FKTN: variants seen among roughly 807,000 people sequenced by gnomAD.
The protein encoded by FKTN is ribitol-5-phosphate transferase FKTN.
FKTN carries 47 observed loss-of-function variants against 58.6 expected under a neutral mutation model. The observed-to-expected ratio is 0.80, with a 90% CI of 0.63 to 1.02. The LOEUF is 1.02. FKTN is among the 50% of genes least tolerant of loss of function. The pLI, the probability that FKTN is intolerant of heterozygous loss-of-function variation, is 0.00. For synonymous variants in FKTN, 178 were observed against 191.9 expected (o/e 0.93, Z 0.60); for missense variants, 516 against 537.3 (o/e 0.96, Z 0.39).
At chr9:105,562,106 T>C (rs1188846758) in intron 1 of FKTN, among the ~76,000 whole-genome samples, 1 of 152,260 alleles carries the variant, frequency 6.6e-6, no homozygotes, top group East Asian at 1.9e-4. Context: ...TCAGTTCTGT[T>C]TTAATGAATT....
chr9:105,592,623 G>A, intron 3 of FKTN, among the ~76,000 whole-genome samples: 1 of 152,106 alleles, frequency 6.6e-6, no homozygotes, highest in Non-Finnish European at 1.5e-5. Flanking sequence ...GGCAACAAGA[G>A]TGAACTCTGT....
At position 105,640,832 on chromosome 9, in the gene FKTN, A is replaced by C. The variant is rs1285500540; in HGVS notation, c.*5568A>C. Reference sequence around the variant, plus strand: ...TTTACAGCCTTCTGATGATTCATTCAAAGCATGGGGAATAGTTCATATGTT... The same window carrying C: ...TTTACAGCCTTCTGATGATTCATTCCAAGCATGGGGAATAGTTCATATGTT... On this transcript the variant is annotated 3_prime_UTR_variant, in exon 11 of 11. Coordinates refer to ENST00000357998, the MANE Select transcript of FKTN (RefSeq NM_001079802.2). 1 of 152,200 alleles carries C rather than the reference A, an allele frequency of 6.6e-6. No individual in the cohort carries two copies. The highest frequency in any genetic ancestry group is 1.5e-5 in the Non-Finnish European group (1 of 68,034). 9.4% of individuals were successfully genotyped at this position (152,200 alleles called of 1,614,324 possible).
At position 105,601,956 on chromosome 9, in the gene FKTN, T is replaced by G. The variant is rs138475893; in HGVS notation, c.369+608T>G. 3.3e-5 allele frequency among the ~76,000 whole-genome samples: 5 copies of G among 152,330 alleles called. No individual in the cohort carries two copies. The East Asian group carries it at 9.6e-4, about 29-fold the overall frequency. ...TAAAAGGAAATGATATGTATTGCTG[T>G]GTGCAGATGCTCCAGAATGACTACA... On this transcript the variant is annotated intron_variant, in intron 5 of 10. Coordinates refer to ENST00000357998, the MANE Select transcript of FKTN (RefSeq NM_001079802.2).
At chr9:105,581,985 T>G (rs1430441480) in intron 3 of FKTN, among the ~76,000 whole-genome samples, 3 of 152,190 alleles carry the variant, frequency 2.0e-5, no homozygotes, top group African/African-American at 7.2e-5. Context: ...CCTGACACCT[T>G]GCGCTTCCCA....
In FKTN at chr9:105,592,421, A is replaced by C. The variant is rs947584832; in HGVS notation, c.106-4177A>C. 4.6e-5 allele frequency among the ~76,000 whole-genome samples: 7 copies of C among 152,018 alleles called. No individual in the cohort carries two copies. The South Asian group carries it at 1.5e-3, about 32-fold the overall frequency. ...TGGTAGGCCGAGTTGGGTGGATCAC[A>C]AGGTCAGGAGTTCGAGATCAGCCTG... On this transcript the variant is annotated intron_variant, in intron 3 of 10. Transcript: ENST00000357998.
intron 3 of FKTN, among the ~76,000 whole-genome samples, chr9:105,576,300 A>G (rs1039085450): frequency 9.2e-5 from 14 of 152,104 alleles, no homozygotes; most frequent in African/African-American, 3.1e-4. Context: ...TATATCTCCC[A>G]ATGCTATCCC....
intron 1 of FKTN, among the ~76,000 whole-genome samples, chr9:105,567,901 G>GCTA (rs1403693459): frequency 6.6e-6 from 1 of 152,158 alleles, no homozygotes; most frequent in Non-Finnish European, 1.5e-5. Flanking sequence ...ATACTACAAG[G>GCTA]CTACAGTAAC....
At chr9:105,566,217 C>T (rs545527652) in intron 1 of FKTN, among the ~76,000 whole-genome samples, 5 of 152,252 alleles carry the variant, frequency 3.3e-5, no homozygotes, top group African/African-American at 1.2e-4. Flanking sequence ...AAAATTGACA[C>T]CCTAACATCA....
chr9:105,580,294 G>A (rs2132167339), intron 3 of FKTN, among the ~76,000 whole-genome samples: 1 of 152,256 alleles, frequency 6.6e-6, no homozygotes, highest in African/African-American at 2.4e-5. Flanking sequence ...TGATTTTGCA[G>A]CAGCTGGTAC....
chr9:105,633,141 G>T (rs866753715), intron 10 of FKTN, among the ~76,000 whole-genome samples: 1 of 152,152 alleles, frequency 6.6e-6, no homozygotes, highest in African/African-American at 2.4e-5. Context: ...TGGGGAAAAG[G>T]AAACCACAAA....
chr9:105,565,741 G>A (rs1031272486), intron 1 of FKTN, among the ~76,000 whole-genome samples: 18 of 152,190 alleles, frequency 1.2e-4, no homozygotes, highest in Non-Finnish European at 2.2e-4. Flanking sequence ...ACAGATCAAC[G>A]AGACAGAAAG....
intron 3 of FKTN, among the ~76,000 whole-genome samples, chr9:105,590,164 G>A (rs1291421277): frequency 3.3e-5 from 5 of 152,164 alleles, no homozygotes; most frequent in Non-Finnish European, 7.3e-5. Context: ...GGGGGACCTG[G>A]TGGGAGATAA....
intron 3 of FKTN, among the ~76,000 whole-genome samples, chr9:105,593,352 C>G (rs74683573): frequency 0.012 from 1,878 of 152,300 alleles, 55 homozygotes; most frequent in African/African-American, 0.043. Flanking sequence ...AAACTGTTTA[C>G]ATGATACAGT....
At chr9:105,582,726 C>A (rs1843231757) in intron 3 of FKTN, among the ~76,000 whole-genome samples, 1 of 152,024 alleles carries the variant, frequency 6.6e-6, no homozygotes, top group South Asian at 2.1e-4. Context: ...AGGATAAAGT[C>A]CTAGAGTAGA....
At chr9:105,578,964 G>A (rs1379725553) in intron 3 of FKTN, among the ~76,000 whole-genome samples, 15 of 151,566 alleles carry the variant, frequency 9.9e-5, no homozygotes, top group Non-Finnish European at 1.6e-4. Context: ...GTGTAGAGGT[G>A]TTTATTCTCT....
intron 3 of FKTN, among the ~76,000 whole-genome samples, chr9:105,590,124 T>C (rs1487480262): frequency 1.3e-5 from 2 of 152,180 alleles, no homozygotes; most frequent in Admixed American, 1.3e-4. Context: ...TCATCTTTAA[T>C]TGTAGCTCCC....
intron 6 of FKTN, 78 bp from the exon 7 acceptor site, chr9:105,607,741 G>A (rs1229857873): frequency 7.2e-6 from 9 of 1,256,754 alleles, no homozygotes; most frequent in African/African-American, 2.9e-5. Context: ...AGCTCTGCAC[G>A]CATTAGGTAT....
chr9:105,607,178 T>A (rs1829051335), intron 6 of FKTN, among the ~76,000 whole-genome samples: 1 of 152,116 alleles, frequency 6.6e-6, no homozygotes, highest in Non-Finnish European at 1.5e-5. Flanking sequence ...AATGGAAAAC[T>A]CTCAAATAAT....
At chr9:105,599,774 G>C (rs1489900004) in intron 4 of FKTN, among the ~76,000 whole-genome samples, 1 of 152,160 alleles carries the variant, frequency 6.6e-6, no homozygotes, top group Non-Finnish European at 1.5e-5. Context: ...ACAGTGCTGG[G>C]ATTACAGGCG....
Sources: gnomAD v4.1 joint callset for allele counts (sites outside exome capture counted in the v4.1 genomes callset) on GRCh38, gnomAD v4.1.1 for gene constraint, MANE v1.5 for transcripts, NCBI Gene and HGNC (gene_info 2026-07-23, HGNC 2026-07-21) for gene names.